METTL15: variants seen among roughly 807,000 people sequenced by gnomAD.
METTL15 encodes the protein methyltransferase 15, mitochondrial 12S rRNA N4-cytidine, also known as 12S rRNA N(4)-cytidine methyltransferase METTL15.
Under a neutral mutation model 38.3 loss-of-function variants are expected in METTL15, and 34 were observed. That is an observed-to-expected ratio of 0.89 (90% CI 0.68 to 1.18). METTL15 has a LOEUF of 1.18. Ranked by LOEUF, METTL15 falls within the 50% of genes most tolerant of loss-of-function variation. METTL15 has a pLI of 0.00. For synonymous variants in METTL15, 162 were observed against 170.9 expected, an observed-to-expected ratio of 0.95 and a Z score of 0.41; for missense variants, 438 against 498.4, an observed-to-expected ratio of 0.88 and a Z score of 1.15.
At chr11:28,224,869 C>G (rs1179120775) in intron 4 of METTL15, among the ~76,000 whole-genome samples, 4 of 151,490 alleles carry the variant, frequency 2.6e-5, no homozygotes, top group African/African-American at 9.7e-5. Flanking sequence ...TTTTATTGAA[C>G]TTTTATAATT....
At chr11:28,303,547 G>A (rs1374940408) in intron 6 of METTL15, among the ~76,000 whole-genome samples, 1 of 151,982 alleles carries the variant, frequency 6.6e-6, no homozygotes, top group African/African-American at 2.4e-5. Flanking sequence ...TGAGAGGAGG[G>A]GGAGAAACTT....
intron 3 of METTL15, among the ~76,000 whole-genome samples, chr11:28,192,562 C>T (rs1851737610): frequency 6.6e-6 from 1 of 151,834 alleles, no homozygotes. Flanking sequence ...ATATTCACTC[C>T]TCTACTATTT....
At chr11:28,326,288 T>G (rs963248930) in intron 6 of METTL15, among the ~76,000 whole-genome samples, 1 of 139,328 alleles carries the variant, frequency 7.2e-6, no homozygotes, top group East Asian at 2.1e-4. Context: ...AATCTGTTAG[T>G]TTTTTTTTTT....
chr11:28,483,264 G>T (rs1161007467), intron 6 of METTL15, among the ~76,000 whole-genome samples: 2 of 152,158 alleles, frequency 1.3e-5, no homozygotes, highest in African/African-American at 4.8e-5. Context: ...TATCTGGTGG[G>T]TGGCAATGGC....
intron 5 of METTL15, among the ~76,000 whole-genome samples, chr11:28,405,904 G>A (rs190898992): frequency 1.3e-5 from 2 of 152,120 alleles, no homozygotes; most frequent in Non-Finnish European, 2.9e-5. Context: ...GTTGAAGAAA[G>A]ATCAGATGGT....
chr11:28,338,075 C>CT (rs112039826), downstream of METTL15, among the ~76,000 whole-genome samples: 941 of 142,458 alleles, frequency 6.6e-3, 4 homozygotes, highest in Middle Eastern at 0.018. Flanking sequence ...ATCTTTGCTT[C>CT]TTTTTTTTTT....
intron 3 of METTL15, among the ~76,000 whole-genome samples, chr11:28,344,097 G>A (rs1849978126): frequency 6.6e-6 from 1 of 152,120 alleles, no homozygotes; most frequent in Non-Finnish European, 1.5e-5. Context: ...GTCATTGATA[G>A]TCTACTTGTT....
chr11:28,289,926 G>A (rs1330525674), intron 4 of METTL15, among the ~76,000 whole-genome samples: 1 of 151,954 alleles, frequency 6.6e-6, no homozygotes, highest in Non-Finnish European at 1.5e-5. Context: ...GTTTGACATA[G>A]GAATTTTTCT....
At chr11:28,348,728 G>T (rs1321150851) in intron 3 of METTL15, among the ~76,000 whole-genome samples, 1 of 140,478 alleles carries the variant, frequency 7.1e-6, no homozygotes, top group African/African-American at 2.9e-5. Context: ...ATGTATGTAT[G>T]TATGTATTTA....
rs144364236 is a variant in METTL15 at position 28,330,446 on chromosome 11, T to A, written c.829T>A (p.Ser277Thr). 6.8e-5 allele frequency: 105 copies of A among 1,551,648 alleles called. 1 individual carries two copies. The East Asian group carries it at 2.6e-3, about 38-fold the overall frequency. The change falls in exon 7 of 7, where the codon TCT becomes ACT. Residue 277 changes from serine (S) to threonine (T), a missense_variant. Physicochemically the swap from Ser to Thr is moderately conservative, Grantham distance 58 (BLOSUM62 1). Transcript: ENST00000407364. ...TACACGGAAAGACTTACTACAGCGA[T>A]CTACCCATATTGCCACCAAGACTTT... is the stretch of plus-strand genomic sequence containing the variant. Reference protein sequence around the residue: ...IYTRKDLLQRSTHIATKTFQA... With the variant: ...IYTRKDLLQRTTHIATKTFQA...
intron 6 of METTL15, among the ~76,000 whole-genome samples, chr11:28,299,441 C>A (rs1398736372): frequency 6.6e-6 from 1 of 152,032 alleles, no homozygotes; most frequent in Non-Finnish European, 1.5e-5. Context: ...AGCTGTCTTT[C>A]CTTTTGCATT....
At chr11:28,172,040 G>A (rs961527767) in intron 3 of METTL15, among the ~76,000 whole-genome samples, 2 of 152,052 alleles carry the variant, frequency 1.3e-5, no homozygotes, top group Admixed American at 6.6e-5. Context: ...GGCTCAAGCA[G>A]TTCTCCTGTC....
intron 5 of METTL15, among the ~76,000 whole-genome samples, chr11:28,293,554 C>T (rs532468464): frequency 4.5e-4 from 69 of 152,128 alleles, no homozygotes; most frequent in Middle Eastern, 3.4e-3. Context: ...TTTTTGGTTC[C>T]ATATGAACTT....
intron 4 of METTL15, among the ~76,000 whole-genome samples, chr11:28,264,881 G>T (rs749154185): frequency 1.3e-4 from 20 of 152,104 alleles, no homozygotes; most frequent in Non-Finnish European, 2.2e-4. Context: ...AGTTGTAAAT[G>T]CTGACTGTAG....
intron 4 of METTL15, among the ~76,000 whole-genome samples, chr11:28,358,693 T>A (rs1187660717): frequency 6.6e-6 from 1 of 152,208 alleles, no homozygotes; most frequent in African/African-American, 2.4e-5. Context: ...TATGAATGTC[T>A]TAAGGGGAGA....
intron 7 of METTL15, chr11:28,526,556 T>C (rs1446287902): frequency 6.6e-6 from 1 of 152,268 alleles, no homozygotes; most frequent in African/African-American, 2.4e-5. Flanking sequence ...TGAGAGTCCC[T>C]GTTACATGAG....
intron 4 of METTL15, among the ~76,000 whole-genome samples, chr11:28,281,816 A>G (rs1050196578): frequency 6.6e-6 from 1 of 152,172 alleles, no homozygotes; most frequent in Non-Finnish European, 1.5e-5. Context: ...ATATGTCTGC[A>G]ACTCAGTGAT....
At chr11:28,372,935 C>T (rs1047041044) in intron 5 of METTL15, among the ~76,000 whole-genome samples, 110 of 151,058 alleles carry the variant, frequency 7.3e-4, no homozygotes, top group African/African-American at 2.5e-3. Flanking sequence ...CATGTCCCTA[C>T]AAAGGACATG....
chr11:28,140,868 G>A (rs1029162714), intron 3 of METTL15, among the ~76,000 whole-genome samples: 2 of 152,092 alleles, frequency 1.3e-5, no homozygotes, highest in South Asian at 2.1e-4. Context: ...AGTCCGCTGC[G>A]GGCATGTTTA....
Sources: allele counts gnomAD v4.1 joint callset (sites outside exome capture counted in the v4.1 genomes callset), GRCh38; gene constraint gnomAD v4.1.1; transcripts MANE v1.5; gene names NCBI Gene and HGNC (gene_info 2026-07-23, HGNC 2026-07-21).